Variants in SUGCT observed in about 807,000 individuals in gnomAD.
SUGCT encodes succinyl-CoA:glutarate-CoA transferase.
Under a neutral mutation model 55.0 loss-of-function variants are expected in SUGCT, and 41 were observed. The observed-to-expected ratio is 0.74, with a 90% CI of 0.58 to 0.97. The LOEUF (loss-of-function observed/expected upper bound fraction) is 0.97. Ranked by LOEUF, SUGCT falls within the 50% of genes least tolerant of loss-of-function variation. SUGCT has a pLI of 0.00. For synonymous variants in SUGCT, 187 were observed against 200.4 expected, an observed-to-expected ratio of 0.93 and a Z score of 0.56; for missense variants, 568 against 547.8, an observed-to-expected ratio of 1.04 and a Z score of -0.37.
At chr7:40,352,315 C>T (rs1456896523) in intron 9 of SUGCT, among the ~76,000 whole-genome samples, 3 of 151,856 alleles carry the variant, frequency 2.0e-5, no homozygotes, top group Non-Finnish European at 4.4e-5. Flanking sequence ...GCACTACAAT[C>T]TATTTTTTTT....
intron 11 of SUGCT, among the ~76,000 whole-genome samples, chr7:40,488,819 A>G (rs1366644657): frequency 1.3e-5 from 2 of 152,126 alleles, no homozygotes; most frequent in African/African-American, 2.4e-5. Flanking sequence ...GTTTCTGTTG[A>G]GAAATCTTCT....
At chr7:40,424,151 A>T (rs1390813114) in intron 9 of SUGCT, among the ~76,000 whole-genome samples, 1 of 152,176 alleles carries the variant, frequency 6.6e-6, no homozygotes, top group East Asian at 1.9e-4. Context: ...CGAGTCCAAG[A>T]TAATCAGTTA....
the SUGCT span, among the ~76,000 whole-genome samples, chr7:40,951,892 A>T: frequency 6.6e-6 from 1 of 152,156 alleles, no homozygotes; most frequent in East Asian, 1.9e-4. Flanking sequence ...CAATTTTGTA[A>T]TAAGTGCGAT....
At position 40,447,362 on chromosome 7, in the gene SUGCT, A is replaced by G. The variant is rs141166741; in HGVS notation, c.817-1925A>G. Among the ~76,000 whole-genome samples the G allele has an allele frequency of 4.9e-3, 750 of 152,330 alleles. 10 individuals carry two copies. Among genetic ancestry groups the G allele is most frequent in the African/African-American group, 0.017 (700 of 41,574 alleles). On this transcript the variant is annotated intron_variant, in intron 9 of 13. Transcript: ENST00000335693. Reference sequence around the variant, plus strand: ...GAGAAGAAAATCCTGCAGAAAGGGTATGTGTAAAACAGAGAGCTAGGAGAT... The same window carrying G: ...GAGAAGAAAATCCTGCAGAAAGGGTGTGTGTAAAACAGAGAGCTAGGAGAT...
At chr7:40,137,013 A>G (rs1031297910) in intron 1 of SUGCT, among the ~76,000 whole-genome samples, 1 of 148,370 alleles carries the variant, frequency 6.7e-6, no homozygotes, top group Admixed American at 6.7e-5. Context: ...ACCCCACTGG[A>G]AAAAAAAAAG....
intron 12 of SUGCT, among the ~76,000 whole-genome samples, chr7:40,734,917 G>C (rs1000661145): frequency 2.0e-5 from 3 of 152,168 alleles, no homozygotes; most frequent in South Asian, 2.1e-4. Flanking sequence ...CTGGGGAAGA[G>C]AGGACTAAAT....
At chr7:40,909,402 C>T in the SUGCT span, among the ~76,000 whole-genome samples, 8 of 152,258 alleles carry the variant, frequency 5.3e-5, no homozygotes, top group East Asian at 3.9e-4. Context: ...CATGTCACCC[C>T]GGGGTTCGCT....
At chr7:41,004,417 A>G in the SUGCT span, among the ~76,000 whole-genome samples, 1 of 152,210 alleles carries the variant, frequency 6.6e-6, no homozygotes, top group African/African-American at 2.4e-5. Context: ...TTTTTGAGCA[A>G]TCCTAAGCAG....
the SUGCT span, among the ~76,000 whole-genome samples, chr7:40,993,040 T>C: frequency 6.6e-6 from 1 of 152,140 alleles, no homozygotes; most frequent in Non-Finnish European, 1.5e-5. Context: ...CTTGGATATG[T>C]GCATAAATCA....
At chr7:40,650,753 G>A (rs1336117087) in intron 12 of SUGCT, among the ~76,000 whole-genome samples, 1 of 152,156 alleles carries the variant, frequency 6.6e-6, no homozygotes, top group African/African-American at 2.4e-5. Context: ...TCTGCAGGAT[G>A]TGCAGGTTTG....
Position 40,662,068 on chromosome 7 carries a change from C to T in SUGCT, c.1090-87366C>T, listed in dbSNP as rs139728241. On this transcript the variant is annotated intron_variant, in intron 12 of 13. Transcript: ENST00000335693. ...GTTTGTTTTTGTCAAACGTATCTCC[C>T]CCTTGCCCCAAAGCAAGCTTTTCTC... 1.3e-3 allele frequency among the ~76,000 whole-genome samples: 205 copies of T among 152,338 alleles called. 6 individuals carry two copies. The East Asian group carries it at 0.033, about 24-fold the overall frequency.
At chr7:40,958,434 T>C in the SUGCT span, among the ~76,000 whole-genome samples, 1 of 151,764 alleles carries the variant, frequency 6.6e-6, no homozygotes, top group Non-Finnish European at 1.5e-5. Flanking sequence ...CGATATCCTT[T>C]CTTCTGCTTG....
At chr7:40,961,724 C>G in the SUGCT span, among the ~76,000 whole-genome samples, 1 of 151,966 alleles carries the variant, frequency 6.6e-6, no homozygotes, top group Non-Finnish European at 1.5e-5. Context: ...TCAGATGTGT[C>G]CAGAGTTTCT....
intron 13 of SUGCT, among the ~76,000 whole-genome samples, chr7:40,805,728 A>G (rs922096116): frequency 5.9e-5 from 9 of 152,164 alleles, no homozygotes; most frequent in South Asian, 2.1e-4. Flanking sequence ...GAGGCAGGCA[A>G]TTGTGGCCAT....
chr7:40,487,938 G>A (rs1158499699), intron 11 of SUGCT, among the ~76,000 whole-genome samples: 1 of 151,758 alleles, frequency 6.6e-6, no homozygotes, highest in Non-Finnish European at 1.5e-5. Context: ...TACTACAAGA[G>A]AAAGAAAAGA....
intron 12 of SUGCT, among the ~76,000 whole-genome samples, chr7:40,702,947 A>T (rs1375716004): frequency 6.6e-6 from 1 of 152,120 alleles, no homozygotes; most frequent in African/African-American, 2.4e-5. Context: ...CAGAACTGTT[A>T]TACCAGTCCT....
intron 8 of SUGCT, among the ~76,000 whole-genome samples, chr7:40,279,353 A>T (rs1792793571): frequency 6.6e-6 from 1 of 152,104 alleles, no homozygotes; most frequent in South Asian, 2.1e-4. Context: ...GGTACTAGCG[A>T]TGGGGTTAAC....
chr7:40,642,876 G>A (rs955065353), intron 12 of SUGCT, among the ~76,000 whole-genome samples: 3 of 152,100 alleles, frequency 2.0e-5, no homozygotes, highest in Non-Finnish European at 2.9e-5. Flanking sequence ...CAATATGGTC[G>A]AATTAGCAGC....
intron 9 of SUGCT, among the ~76,000 whole-genome samples, chr7:40,448,005 G>A (rs1025652173): frequency 2.6e-5 from 4 of 152,176 alleles, no homozygotes; most frequent in African/African-American, 9.7e-5. Context: ...GGCTAGGACT[G>A]TGGGTGGTTA....
Sources: allele counts gnomAD v4.1 joint callset (sites outside exome capture counted in the v4.1 genomes callset), GRCh38; gene constraint gnomAD v4.1.1; transcripts MANE v1.5; gene names NCBI Gene and HGNC (gene_info 2026-07-23, HGNC 2026-07-21).